Variants in ADGRD2 observed in about 807,000 individuals in gnomAD.
The protein encoded by ADGRD2 is adhesion G protein-coupled receptor D2.
Under a neutral mutation model 44.4 loss-of-function variants are expected in ADGRD2, and 71 were observed. The ratio of observed to expected loss-of-function variants is 1.60; its 90% CI spans 1.32 to 1.95. ADGRD2 has a LOEUF of 1.95. Among genes scored for constraint, ADGRD2 ranks in the 30% most tolerant of loss-of-function variants. The pLI is 0.00. For missense variants in ADGRD2, 1,039 were observed against 512.4 expected, an observed-to-expected ratio of 2.03 and a Z score of -9.92; for synonymous variants, 481 against 224.8, an observed-to-expected ratio of 2.14 and a Z score of -10.19.
upstream of ADGRD2, among the ~76,000 whole-genome samples, chr9:124,450,522 G>C (rs73590236): frequency 0.093 from 14,171 of 152,294 alleles, 1,085 homozygotes; most frequent in African/African-American, 0.19. Flanking sequence ...TGAGGAACTG[G>C]AGCTGGGAAC....
At chr9:124,455,589 CAAA>C (rs34178298) in intron 6 of ADGRD2, among the ~76,000 whole-genome samples, 1 of 142,668 alleles carries the variant, frequency 7.0e-6, no homozygotes, top group Admixed American at 6.9e-5. Flanking sequence ...GACTCTGTCT[CAAA>C]AAAAAAAAAA....
At chr9:124,450,588 C>A (rs562543558), upstream of ADGRD2, among the ~76,000 whole-genome samples, 1 of 152,236 alleles carries the variant, frequency 6.6e-6, no homozygotes, top group African/African-American at 2.4e-5. Flanking sequence ...ATTGGCGCCT[C>A]GCGGAGGAGG....
intron 17 of ADGRD2, 52 bp from the exon 21 acceptor site, chr9:124,475,394 G>T: frequency 1.4e-6 from 1 of 695,676 alleles, no homozygotes; most frequent in Non-Finnish European, 2.7e-6. Context: ...CCAGGCTGTG[G>T]GGGATGGGGT....
At chr9:124,453,525 C>T (rs1050350579) in exon 3 of ADGRD2, 1 of 700,046 alleles carries the variant, frequency 1.4e-6, no homozygotes, top group East Asian at 2.7e-5. Flanking sequence ...CCGACTTCCA[C>T]CTGTGGGCGC....
intron 10 of ADGRD2, among the ~76,000 whole-genome samples, chr9:124,464,942 C>T (rs1036885151): frequency 6.6e-6 from 1 of 152,140 alleles, no homozygotes; most frequent in Non-Finnish European, 1.5e-5. Flanking sequence ...CATCAGTAGC[C>T]AGAGGCCTGT....
At chr9:124,450,621 T>C (rs75319095), upstream of ADGRD2, among the ~76,000 whole-genome samples, 18,073 of 152,172 alleles carry the variant, frequency 0.12, 1,790 homozygotes, top group East Asian at 0.41. Flanking sequence ...TGGGCAAACT[T>C]CGCATCTCCC....
At chr9:124,453,155 G>T (rs1451183818) in exon 3 of ADGRD2, 1 of 700,548 alleles carries the variant, frequency 1.4e-6, no homozygotes, top group Non-Finnish European at 2.6e-6. Flanking sequence ...CAGTGGGACT[G>T]TGCCTCGCCC....
At chr9:124,470,505 AGCCCGT>A (rs1220053796) in exon 17 of ADGRD2, 1 of 710,854 alleles carries the variant, frequency 1.4e-6, no homozygotes, top group East Asian at 2.7e-5. Flanking sequence ...GCCACGGTGA[AGCCCGT>A]GCTGGTCCTG....
At chr9:124,475,368 G>C in intron 17 of ADGRD2, 78 bp from the exon 21 acceptor site, 1 of 667,236 alleles carries the variant, frequency 1.5e-6, no homozygotes, top group South Asian at 1.7e-5. Flanking sequence ...GGGAGGCGCC[G>C]GGACCCCAGG....
chr9:124,461,580 A>G (rs1831722167), intron 10 of ADGRD2, among the ~76,000 whole-genome samples: 1 of 152,120 alleles, frequency 6.6e-6, no homozygotes, highest in Non-Finnish European at 1.5e-5. Flanking sequence ...GTTGAAATCA[A>G]TTGTCTGCAT....
exon 15 of ADGRD2, chr9:124,469,295 G>C (rs1473303913): frequency 1.4e-6 from 1 of 718,148 alleles, no homozygotes; most frequent in Admixed American, 2.0e-5. Context: ...GACATTGCTG[G>C]CTCAATGTGC....
exon 2 of ADGRD2, chr9:124,452,705 G>A (rs528653430): frequency 5.6e-6 from 4 of 714,702 alleles, no homozygotes; most frequent in Non-Finnish European, 1.0e-5. Flanking sequence ...GCCCCTCTGC[G>A]GAGACCCCCA....
At chr9:124,452,382 A>T in intron 1 of ADGRD2, 128 bp from the exon 5 acceptor site, 1 of 678,934 alleles carries the variant, frequency 1.5e-6, no homozygotes, top group Non-Finnish European at 2.7e-6. Flanking sequence ...AGCAGGCCAT[A>T]GACATGGGCG....
At position 124,473,567 on chromosome 9, in the gene ADGRD2, T is replaced by TTCAACA. The variant is rs1831991114; in HGVS notation, c.2759-1878_2759-1873dup. On this transcript the variant is annotated intron_variant, in intron 17 of 21. Coordinates refer to ENST00000334810, the Ensembl canonical transcript of ADGRD2. Reference sequence around the variant, plus strand: ...TGAGCTCATTTGTTTTGTTCAGTTGTTCAACACGCACTCCCCTAGCACCTC... The same window carrying TTCAACA: ...TGAGCTCATTTGTTTTGTTCAGTTGTTCAACATCAACACGCACTCCCCTAGCACCTC... Among the ~76,000 whole-genome samples, 3 of 152,244 alleles carry TTCAACA rather than the reference T, an allele frequency of 2.0e-5. No homozygotes were observed. The South Asian group carries it at 6.2e-4, about 31-fold the overall frequency.
At chr9:124,474,559 G>A (rs955748284) in intron 17 of ADGRD2, among the ~76,000 whole-genome samples, 4 of 152,170 alleles carry the variant, frequency 2.6e-5, no homozygotes, top group Non-Finnish European at 4.4e-5. Flanking sequence ...GGACCAGTCA[G>A]GCTCTTGGAC....
chr9:124,456,739 C>A lies in ADGRD2; in HGVS notation c.1505+6C>A, dbSNP rs1226712423. On this transcript the variant is annotated splice_donor_region_variant and intron_variant, in intron 7 of 21. Transcript: ENST00000334810. ...CATCCAGCACCGCCATGCTGGTGAG[C>A]CTGCACCCACCTGCCCACACGGCTG... 6 of 705,862 alleles carry A rather than the reference C, an allele frequency of 8.5e-6. No individual in the cohort carries two copies. Among genetic ancestry groups the A allele is most frequent in the Non-Finnish European group, 1.6e-5 (6 of 384,952 alleles). The allele number at this position is 705,862 out of a possible 1,614,324, so 43.7% of individuals were successfully genotyped here. A position where few individuals can be genotyped will look rare whatever the true frequency, so the allele number is the denominator to read the frequency against.
In ADGRD2 at chr9:124,454,602, G is replaced by A. The variant is rs1259658924; in HGVS notation, c.1108+33G>A. The A allele has an allele frequency of 2.8e-6, 2 of 708,150 alleles. No individual in the cohort carries two copies. Among genetic ancestry groups the A allele is most frequent in the East Asian group, 2.7e-5 (1 of 36,956 alleles). 43.9% of individuals were successfully genotyped at this position (708,150 alleles called of 1,614,324 possible). A position where few individuals can be genotyped will look rare whatever the true frequency, so the allele number is the denominator to read the frequency against. ...CCCTCTCAGGGGCTGGAAAGCCTGG[G>A]GGCTCCATGGGTCACCTCGCTGCAC... is the stretch of plus-strand genomic sequence containing the variant. On this transcript the variant is annotated intron_variant, in intron 5 of 21. Coordinates refer to ENST00000334810, the Ensembl canonical transcript of ADGRD2. This position sits in a 1 kb window ranked among gnomAD's most constrained non-coding sequence, Gnocchi z 4.5.
At chr9:124,475,481 T>A in exon 18 of ADGRD2, 1 of 714,030 alleles carries the variant, frequency 1.4e-6, no homozygotes, top group Non-Finnish European at 2.6e-6. Flanking sequence ...CTGCCTGCAA[T>A]GAGGAGGTGA....
intron 19 of ADGRD2, 96 bp downstream of exon 22, chr9:124,475,711 G>T: frequency 1.8e-6 from 1 of 556,880 alleles, no homozygotes; most frequent in African/African-American, 2.0e-5. Context: ...TGCCAGCCCT[G>T]CCAGCTGGGG....
Sources: gnomAD v4.1 joint callset for allele counts (sites outside exome capture counted in the v4.1 genomes callset) on GRCh38, gnomAD v4.1.1 for gene constraint, Gnocchi (gnomAD v3.1) non-coding constraint, MANE v1.5 for transcripts, NCBI Gene and HGNC (gene_info 2026-07-23, HGNC 2026-07-21) for gene names.